BAZ1A: variants seen among roughly 807,000 people sequenced by gnomAD.
The protein encoded by BAZ1A is bromodomain adjacent to zinc finger domain protein 1A.
Under a neutral mutation model 185.2 loss-of-function variants are expected in BAZ1A, and 50 were observed. The ratio of observed to expected loss-of-function variants is 0.27; its 90% CI spans 0.22 to 0.34. The LOEUF is 0.34. Ranked by LOEUF, BAZ1A falls within the 10% of genes least tolerant of loss-of-function variation. The probability of loss-of-function intolerance (pLI) is 1.00; values close to 1 mark genes in which losing one functional copy is unlikely to be tolerated. For missense variants in BAZ1A, 1,356 were observed against 1,839.9 expected (o/e 0.74, Z 4.81); for synonymous variants, 571 against 615.6 (o/e 0.93, Z 1.07).
At chr14:34,757,400 C>T (rs1284169655) in intron 25 of BAZ1A, among the ~76,000 whole-genome samples, 2 of 146,794 alleles carry the variant, frequency 1.4e-5, no homozygotes, top group African/African-American at 5.1e-5. Flanking sequence ...TGCAGTGGCC[C>T]GTGCCTGTAA....
rs1458799303 is a variant in BAZ1A at position 34,862,459 on chromosome 14, G to A, written c.114-137C>T. On this transcript the variant is annotated intron_variant, in intron 2 of 26. Transcript: ENST00000360310. The stretch of plus-strand genomic sequence containing the variant: ...TTATGTAGACTCACAGAACTCAAGG[G>A]TTTGGTAACTGGTCAACTTATAACA... 4.7e-6 allele frequency: 4 copies of A among 848,654 alleles called. No homozygotes were observed. In the East Asian group the frequency reaches 1.1e-4, roughly 23 times the overall value. The allele number at this position is 848,654 out of a possible 1,614,324, so 52.6% of individuals were successfully genotyped here.
chr14:34,863,152 C>CATTTTTTTTTTTTTTTTTTT (rs1566603150), intron 2 of BAZ1A, among the ~76,000 whole-genome samples: 2 of 44,690 alleles, frequency 4.5e-5, no homozygotes, highest in Admixed American at 3.6e-4. Context: ...CCACGCTCGG[C>CATTTTTTTTTTTTTTTTTTT]TTTTTTTTTT....
At chr14:34,795,527 G>A (rs1319025923) in intron 10 of BAZ1A, 143 bp downstream of exon 10, 1 of 520,154 alleles carries the variant, frequency 1.9e-6, no homozygotes. Flanking sequence ...AATTCTAAGT[G>A]TGAACATTTG....
chr14:34,784,976 C>T (rs1465765414), intron 14 of BAZ1A, among the ~76,000 whole-genome samples: 4 of 152,156 alleles, frequency 2.6e-5, no homozygotes, highest in African/African-American at 2.4e-5. Context: ...CCTGCCTCTG[C>T]CTCCGAGTAG....
intron 5 of BAZ1A, among the ~76,000 whole-genome samples, chr14:34,808,368 C>T (rs1394376592): frequency 2.0e-5 from 3 of 151,902 alleles, no homozygotes; most frequent in African/African-American, 7.3e-5. Flanking sequence ...GGTAGTGGCA[C>T]ATGCCTGTAA....
In BAZ1A at chr14:34,862,120, C is replaced by T; in HGVS notation, c.316G>A (p.Asp106Asn). The T allele has an allele frequency of 6.2e-7, 1 of 1,614,172 alleles. No homozygotes were observed. Among genetic ancestry groups the T allele is most frequent in the Middle Eastern group, 1.6e-4 (1 of 6,062 alleles). Residue 106 changes from aspartate (D) to asparagine (N), a missense_variant, in exon 3 of 27, where the codon GAT (aspartate) becomes AAT (asparagine). By Grantham distance (23) the Asp-to-Asn change is conservative. Coordinates refer to ENST00000360310, the MANE Select transcript of BAZ1A (RefSeq NM_013448.3). ...TCCTTGACATATGCAAAGATATCATCACAAATTTCATGTAAGCGCGAACGA... is the reference window on the plus strand; with the variant it reads ...TCCTTGACATATGCAAAGATATCATTACAAATTTCATGTAAGCGCGAACGA... ...THRSRLHEIC[D>N]DIFAYVKDRY... is the part of the protein sequence containing the mutation.
chr14:34,790,499 A>G (rs1454531634), intron 12 of BAZ1A, among the ~76,000 whole-genome samples: 2 of 152,024 alleles, frequency 1.3e-5, no homozygotes, highest in Non-Finnish European at 2.9e-5. Flanking sequence ...GATTACAGGC[A>G]TGCGCCACCA....
chr14:34,852,422 C>A (rs1193621113), intron 3 of BAZ1A, among the ~76,000 whole-genome samples: 4 of 152,066 alleles, frequency 2.6e-5, no homozygotes, highest in Non-Finnish European at 5.9e-5. Flanking sequence ...AGTTCAAGAC[C>A]AGCCTGGGCA....
At position 34,862,340 on chromosome 14, in the gene BAZ1A, A is replaced by T; in HGVS notation, c.114-18T>A. The T allele has an allele frequency of 6.3e-7, 1 of 1,582,864 alleles. No individual in the cohort carries two copies. Among genetic ancestry groups the T allele is most frequent in the Non-Finnish European group, 8.6e-7 (1 of 1,167,686 alleles). Reference sequence around the variant, plus strand: ...AAAAGTCACTGATTAAAAAACAAAAACAAAAACAAAAGCCCATTACCTATC... The same window carrying T: ...AAAAGTCACTGATTAAAAAACAAAATCAAAAACAAAAGCCCATTACCTATC... On this transcript the variant is annotated intron_variant, in intron 2 of 26. Transcript: ENST00000360310.
intron 17 of BAZ1A, 98 bp downstream of exon 17, chr14:34,780,088 G>T: frequency 6.8e-7 from 1 of 1,478,764 alleles, no homozygotes; most frequent in Non-Finnish European, 9.2e-7. Flanking sequence ...AATCACAAAT[G>T]AAAGCAATCA....
rs1449607597 is a variant in BAZ1A, at chr14:34,783,195, C to G, written c.2035G>C (p.Glu679Gln). The change falls in exon 16 of 27, where the codon GAA becomes CAA. Residue 679 changes from glutamate (E) to glutamine (Q), a missense_variant. Glu to Gln is a conservative substitution (Grantham distance 29, BLOSUM62 2). Coordinates refer to ENST00000360310, the MANE Select transcript of BAZ1A (RefSeq NM_013448.3). Reference sequence around the variant, plus strand: ...TCTTGTTTCTCTTTCATTTTTTGTTCTTGCTCCTTAAGTTTTTCTTCCTTC... The same window carrying G: ...TCTTGTTTCTCTTTCATTTTTTGTTGTTGCTCCTTAAGTTTTTCTTCCTTC... ...KRKEEKLKEQ[E>Q]QKMKEKQEKL... The G allele has an allele frequency of 6.3e-7, 1 of 1,599,690 alleles. No homozygotes were observed. Among genetic ancestry groups the G allele is most frequent in the African/African-American group, 1.3e-5 (1 of 74,502 alleles).
chr14:34,794,660 C>A, intron 11 of BAZ1A, 89 bp downstream of exon 11: 1 of 1,358,960 alleles, frequency 7.4e-7, no homozygotes, highest in East Asian at 2.3e-5. Context: ...TCCAGTGCCC[C>A]CACAGAACTT....
chr14:34,761,700 G>A (rs17526787), intron 24 of BAZ1A, 57 bp downstream of exon 24: 514,559 of 1,421,640 alleles, frequency 0.36, 95,275 homozygotes, highest in Non-Finnish European at 0.38. Context: ...CTCAACATTC[G>A]ATATTTCCAA....
At chr14:34,818,577 T>C (rs1555342234) in intron 4 of BAZ1A, among the ~76,000 whole-genome samples, 1 of 152,178 alleles carries the variant, frequency 6.6e-6, no homozygotes, top group Non-Finnish European at 1.5e-5. Flanking sequence ...CACAAATGTA[T>C]ATAATGACAG....
Position 34,786,169 on chromosome 14 carries a change from A to C in BAZ1A, c.1563T>G (p.Ser521=). ...ATGCAGCTGCCAAAGATGCAACTGC[A>C]GACAGTGCAGATTTTGTGGGGTCTG... The part of the protein sequence containing the change: ...EDADPTKSAL[S]AVASLAAAWP... The change falls in exon 13 of 27, where the codon TCT becomes TCG. Residue 521 remains serine, a synonymous_variant. Coordinates refer to ENST00000360310, the MANE Select transcript of BAZ1A (RefSeq NM_013448.3). 2 of 1,613,766 alleles carry C rather than the reference A, an allele frequency of 1.2e-6. No individual in the cohort carries two copies. Among genetic ancestry groups the C allele is most frequent in the Non-Finnish European group, 1.7e-6 (2 of 1,179,930 alleles).
chr14:34,765,399 C>A, intron 21 of BAZ1A, 131 bp from the exon 22 acceptor site: 3 of 1,162,388 alleles, frequency 2.6e-6, no homozygotes, highest in South Asian at 3.3e-5. Context: ...ACAAAAAGAC[C>A]ATGCTGATAT....
intron 25 of BAZ1A, among the ~76,000 whole-genome samples, chr14:34,756,115 CTT>C (rs548364033): frequency 1.4e-4 from 18 of 127,378 alleles, no homozygotes; most frequent in Admixed American, 3.3e-4. Context: ...TGGTTTTTTT[CTT>C]TTTTTTTTTT....
intron 4 of BAZ1A, among the ~76,000 whole-genome samples, chr14:34,814,214 A>G (rs1223340884): frequency 6.6e-6 from 1 of 151,190 alleles, no homozygotes; most frequent in African/African-American, 2.4e-5. Flanking sequence ...CAAGTATATT[A>G]AGTTGTACTT....
intron 5 of BAZ1A, among the ~76,000 whole-genome samples, chr14:34,810,005 C>T (rs1463202845): frequency 6.6e-6 from 1 of 151,760 alleles, no homozygotes; most frequent in Non-Finnish European, 1.5e-5. Flanking sequence ...AATGATGAGC[C>T]CCCCAAAACC....
Sources: allele counts gnomAD v4.1 joint callset (sites outside exome capture counted in the v4.1 genomes callset), GRCh38; gene constraint gnomAD v4.1.1; transcripts MANE v1.5; gene names NCBI Gene and HGNC (gene_info 2026-07-23, HGNC 2026-07-21).